Variants in TRHDE observed in about 807,000 individuals in gnomAD.
TRHDE encodes thyrotropin-releasing hormone-degrading ectoenzyme.
Under a neutral mutation model 125.7 loss-of-function variants are expected in TRHDE, and 72 were observed. That is an observed-to-expected ratio of 0.57 (90% CI 0.47 to 0.70). TRHDE has a LOEUF of 0.70. Ranked by LOEUF, TRHDE falls within the 30% of genes least tolerant of loss-of-function variation. The pLI is 0.00. For missense variants in TRHDE, 1,110 were observed against 1,327.1 expected (o/e 0.84, Z 2.54); for synonymous variants, 509 against 509.1 (o/e 1.00, Z 0.00).
chr12:72,430,978 G>A (rs1330167964), intron 3 of TRHDE, among the ~76,000 whole-genome samples: 1 of 151,726 alleles, frequency 6.6e-6, no homozygotes, highest in Non-Finnish European at 1.5e-5. Flanking sequence ...CATTTCTTTT[G>A]TCAAATTTAT....
chr12:72,620,834 G>A (rs1197674852), intron 13 of TRHDE, among the ~76,000 whole-genome samples: 1 of 152,024 alleles, frequency 6.6e-6, no homozygotes, highest in Admixed American at 6.6e-5. Context: ...TGTTACAAAA[G>A]TCATCATCTA....
intron 12 of TRHDE, chr12:72,611,044 T>A: frequency 6.2e-6 from 1 of 160,476 alleles, no homozygotes. Context: ...AAAGACTTAG[T>A]GGCAAAGCAG....
intron 2 of TRHDE, among the ~76,000 whole-genome samples, chr12:72,326,836 A>G (rs1354835475): frequency 6.6e-6 from 1 of 152,178 alleles, no homozygotes; most frequent in Non-Finnish European, 1.5e-5. Flanking sequence ...AAAACTTGCT[A>G]CATTGCCCTT....
chr12:72,200,173 G>A (rs1476480530), intron 2 of TRHDE, among the ~76,000 whole-genome samples: 1 of 152,166 alleles, frequency 6.6e-6, no homozygotes, highest in Non-Finnish European at 1.5e-5. Context: ...TTCCTCCAGT[G>A]GAATAAGAAC....
chr12:72,400,290 G>T (rs1159136495), intron 3 of TRHDE, among the ~76,000 whole-genome samples: 2 of 152,038 alleles, frequency 1.3e-5, no homozygotes, highest in Non-Finnish European at 2.9e-5. Context: ...TTATTCCTTG[G>T]TTTTTGAGAG....
In TRHDE at chr12:72,273,536, A is replaced by T. The variant is rs781182124; in HGVS notation, c.893A>T (p.Tyr298Phe). The T allele has an allele frequency of 5.0e-6, 8 of 1,601,806 alleles. No individual in the cohort carries two copies. In the African/African-American group the frequency reaches 5.3e-5, roughly 11 times the overall value. ...CTCCTGGGCTTCTTCCGCAGCTCCT[A>T]TGTGCTCCACGGGGAGAGAAGGTAT... is the stretch of plus-strand genomic sequence containing the variant. Reference protein sequence around the residue: ...NELLGFFRSSYVLHGERRFLG... With the variant: ...NELLGFFRSSFVLHGERRFLG... Residue 298 changes from tyrosine to phenylalanine, a missense_variant, in exon 1 of 19, where the codon TAT becomes TTT. Coordinates refer to ENST00000261180, the MANE Select transcript of TRHDE (RefSeq NM_013381.3). The surrounding 1 kb of genome is among the most constrained non-coding windows in gnomAD (Gnocchi z 5.3).
chr12:72,184,277 A>C (rs1199578298), intron 2 of TRHDE, among the ~76,000 whole-genome samples: 1 of 151,978 alleles, frequency 6.6e-6, no homozygotes, highest in Non-Finnish European at 1.5e-5. Context: ...TACAGGCATA[A>C]CTTTTTCTTG....
At chr12:72,196,497 A>T (rs1313188466) in intron 2 of TRHDE, among the ~76,000 whole-genome samples, 4 of 151,894 alleles carry the variant, frequency 2.6e-5, no homozygotes, top group African/African-American at 4.8e-5. Context: ...GCTATTGTAG[A>T]TGGGATTGTA....
chr12:72,564,917 C>T (rs775915781), intron 9 of TRHDE, among the ~76,000 whole-genome samples: 5 of 151,894 alleles, frequency 3.3e-5, no homozygotes, highest in Non-Finnish European at 5.9e-5. Flanking sequence ...CCACCCGCCT[C>T]GGCCTCCCAA....
Position 72,665,850 on chromosome 12 carries a change from A to C in TRHDE, c.*2655A>C, listed in dbSNP as rs1315066476. ...AACTCGTAAATAAAAAGATTTCCCC[A>C]TTTTTACACATTTTTTCTTAAAATT... On this transcript the variant is annotated 3_prime_UTR_variant, in exon 19 of 19. Coordinates refer to ENST00000261180, the MANE Select transcript of TRHDE (RefSeq NM_013381.3). 1.3e-5 allele frequency: 2 copies of C among 152,004 alleles called. No individual in the cohort carries two copies. Among genetic ancestry groups the C allele is most frequent in the Admixed American group, 1.3e-4 (2 of 15,230 alleles). The allele number at this position is 152,004 out of a possible 1,614,324, so 9.4% of individuals were successfully genotyped here.
intron 2 of TRHDE, among the ~76,000 whole-genome samples, chr12:72,148,484 C>T (rs911285862): frequency 6.6e-6 from 1 of 152,146 alleles, no homozygotes; most frequent in Non-Finnish European, 1.5e-5. Context: ...GTTTTGTGAA[C>T]TAATTGGCAA....
At chr12:72,111,829 G>C (rs1875321789) in intron 2 of TRHDE, among the ~76,000 whole-genome samples, 1 of 152,176 alleles carries the variant, frequency 6.6e-6, no homozygotes, top group Non-Finnish European at 1.5e-5. Context: ...TGGGTCCCCT[G>C]GTTCTTAAAC....
chr12:72,418,958 G>A (rs1306408715), intron 3 of TRHDE, among the ~76,000 whole-genome samples: 3 of 152,154 alleles, frequency 2.0e-5, no homozygotes, highest in Admixed American at 6.6e-5. Flanking sequence ...ATGGATAATG[G>A]TGATAAGCAG....
At chr12:72,346,872 G>A (rs188875528) in intron 2 of TRHDE, among the ~76,000 whole-genome samples, 6 of 152,202 alleles carry the variant, frequency 3.9e-5, no homozygotes, top group Non-Finnish European at 7.4e-5. Flanking sequence ...CCTAGGTTAA[G>A]GTGTCAGCAA....
intron 2 of TRHDE, among the ~76,000 whole-genome samples, chr12:72,333,294 G>T (rs4277154): frequency 0.35 from 52,765 of 152,084 alleles, 9,871 homozygotes; most frequent in Non-Finnish European, 0.43. Context: ...AATATGTATT[G>T]ATGTCCTACT....
At chr12:72,209,939 G>A (rs1263492382) in intron 2 of TRHDE, among the ~76,000 whole-genome samples, 1 of 152,078 alleles carries the variant, frequency 6.6e-6, no homozygotes, top group Non-Finnish European at 1.5e-5. Flanking sequence ...AAGAAAATCA[G>A]AGAAAAATGT....
At chr12:72,381,489 G>C (rs937055704) in intron 3 of TRHDE, among the ~76,000 whole-genome samples, 4 of 147,948 alleles carry the variant, frequency 2.7e-5, no homozygotes, top group African/African-American at 7.5e-5. Flanking sequence ...TCCGCCTCCC[G>C]GGTTCACGCC....
rs1873790091 is a variant in TRHDE at position 72,637,077 on chromosome 12, G to A, written c.2676-15245G>A. On this transcript the variant is annotated intron_variant, in intron 15 of 18. Transcript: ENST00000261180. ...TGATTGGAATAGTTTCAGAAGGAAT[G>A]GTACCAGTTCCTCCTTGTACCTCTG... 2.6e-5 allele frequency among the ~76,000 whole-genome samples: 4 copies of A among 152,298 alleles called. No homozygotes were observed. The South Asian group carries it at 8.3e-4, about 32-fold the overall frequency.
chr12:72,291,529 C>T (rs1480676687), intron 2 of TRHDE, among the ~76,000 whole-genome samples: 1 of 152,170 alleles, frequency 6.6e-6, no homozygotes, highest in Non-Finnish European at 1.5e-5. Context: ...GTCATAATTG[C>T]GTTAAAGTAC....
Sources: gnomAD v4.1 joint callset for allele counts (sites outside exome capture counted in the v4.1 genomes callset) on GRCh38, gnomAD v4.1.1 for gene constraint, Gnocchi (gnomAD v3.1) non-coding constraint, MANE v1.5 for transcripts, NCBI Gene and HGNC (gene_info 2026-07-23, HGNC 2026-07-21) for gene names.